Variants in GSK3A observed in about 807,000 individuals in gnomAD.
GSK3A encodes glycogen synthase kinase 3 alpha.
A neutral mutation model predicts 56.6 loss-of-function variants in GSK3A; 14 were observed. That is an observed-to-expected ratio of 0.25 (90% CI 0.16 to 0.39). The LOEUF is 0.39. Among genes scored for constraint, GSK3A ranks in the 10% least tolerant of loss-of-function variants. The pLI, the probability that GSK3A is intolerant of heterozygous loss-of-function variation, is 1.00. For synonymous variants in GSK3A, 301 were observed against 285.0 expected (o/e 1.06, Z -0.56); for missense variants, 450 against 656.0 (o/e 0.69, Z 3.43).
At chr19:42,237,497 A>T (rs2036264544) in intron 2 of GSK3A, among the ~76,000 whole-genome samples, 1 of 151,192 alleles carries the variant, frequency 6.6e-6, no homozygotes, top group African/African-American at 2.4e-5. Flanking sequence ...CACCCCACTT[A>T]AAAAAAAATT....
chr19:42,238,680 C>G (rs1423313646), intron 2 of GSK3A, among the ~76,000 whole-genome samples: 1 of 148,808 alleles, frequency 6.7e-6, no homozygotes, highest in Non-Finnish European at 1.5e-5. Context: ...AAAATCAGGG[C>G]TAGGTATGCT....
chr19:42,239,944 G>A lies in GSK3A; in HGVS notation c.471+11C>T, dbSNP rs145547790. The A allele has an allele frequency of 4.2e-4, 678 of 1,611,824 alleles. 5 individuals carry two copies. In the African/African-American group the frequency reaches 7.6e-3, roughly 18 times the overall value. On this transcript the variant is annotated intron_variant, in intron 2 of 10. Transcript: ENST00000222330. ...CCCCAAACCTCCCTGTCCCCATCCC[G>A]CCCAAGCTACCTTGAACCTCTTGTC...
Position 42,236,732 on chromosome 19 carries a change from G to A in GSK3A, c.556-16C>T, listed in dbSNP as rs764669685. The A allele has an allele frequency of 1.3e-6, 2 of 1,579,596 alleles. No homozygotes were observed. The highest frequency in any genetic ancestry group is 1.3e-5 in the African/African-American group (1 of 74,222). On this transcript the variant is annotated splice_polypyrimidine_tract_variant and intron_variant, in intron 3 of 10. Transcript: ENST00000222330. ...GCTCGTCTTTCTGCAGGGAGCAAAG[G>A]AGAGGTGTGAGGCACTGTGAGAAGA...
In GSK3A at chr19:42,230,493, A is replaced by C. The variant is rs896390356; in HGVS notation, c.*301T>G. 2.4e-5 allele frequency: 7 copies of C among 296,270 alleles called. No individual in the cohort carries two copies. The African/African-American group carries it at 5.5e-4, about 23-fold the overall frequency. The allele number at this position is 296,270 out of a possible 1,614,324, so 18.4% of individuals were successfully genotyped here. On this transcript the variant is annotated 3_prime_UTR_variant, in exon 11 of 11. Transcript: ENST00000222330. The stretch of plus-strand genomic sequence containing the variant: ...CTATTTACAAGGGACACAGGAGGGG[A>C]GGGGGTCTGGAGGAGGTGGAGGTCT...
At chr19:42,241,224 G>A (rs1026598419) in intron 1 of GSK3A, 1 of 152,178 alleles carries the variant, frequency 6.6e-6, no homozygotes, top group East Asian at 1.9e-4. Flanking sequence ...TCGAACTCCT[G>A]ACCGCAGGTG....
rs995381123 is a variant in GSK3A, at chr19:42,240,246, G to A, written c.284-104C>T. 22 of 1,077,648 alleles carry A rather than the reference G, an allele frequency of 2.0e-5. No individual in the cohort carries two copies. In the East Asian group the frequency reaches 4.8e-4, roughly 23 times the overall value. The allele number at this position is 1,077,648 out of a possible 1,614,324, so 66.8% of individuals were successfully genotyped here. A position where few individuals can be genotyped will look rare whatever the true frequency, so the allele number is the denominator to read the frequency against. The stretch of plus-strand genomic sequence containing the variant: ...GGAAATCTCTGCAGGAAGCTCGTTG[G>A]GGACCTCTTTGTCCCCTCCTCCTCT... On this transcript the variant is annotated intron_variant, in intron 1 of 10. Coordinates refer to ENST00000222330, the MANE Select transcript of GSK3A (RefSeq NM_019884.3).
intron 9 of GSK3A, 100 bp downstream of exon 9, chr19:42,232,396 G>A (rs1264990051): frequency 1.8e-6 from 2 of 1,111,666 alleles, no homozygotes; most frequent in Non-Finnish European, 2.7e-6. Flanking sequence ...CTTGTACCCT[G>A]CCCTTAGCTC....
In GSK3A at chr19:42,230,746, C is replaced by T. The variant is rs976576798; in HGVS notation, c.*48G>A. The T allele has an allele frequency of 2.1e-6, 3 of 1,415,094 alleles. No homozygotes were observed. The highest frequency in any genetic ancestry group is 2.9e-6 in the Non-Finnish European group (3 of 1,022,534). 87.7% of individuals were successfully genotyped at this position (1,415,094 alleles called of 1,614,324 possible). The stretch of plus-strand genomic sequence containing the variant: ...ATGGGCTATGGCCCCCCTTCCCAGC[C>T]CCTCTTGGGGCTCCCAGATGGAAGT... On this transcript the variant is annotated 3_prime_UTR_variant, in exon 11 of 11. Transcript: ENST00000222330.
chr19:42,236,488 C>T (rs2036257811), intron 4 of GSK3A, 118 bp downstream of exon 4: 1 of 736,046 alleles, frequency 1.4e-6, no homozygotes. Context: ...CAGCAGGGGA[C>T]ATGGGGCCTC....
intron 2 of GSK3A, among the ~76,000 whole-genome samples, chr19:42,237,159 C>T (rs1336170205): frequency 1.5e-5 from 2 of 132,710 alleles, no homozygotes; most frequent in Non-Finnish European, 3.4e-5. Context: ...TTTTCTTCAC[C>T]CCATTTTTTT....
intron 1 of GSK3A, chr19:42,240,535 C>A (rs1171824073): frequency 2.7e-6 from 1 of 363,686 alleles, no homozygotes; most frequent in Non-Finnish European, 5.0e-6. Flanking sequence ...TTGACCGAGC[C>A]TCTTCCACTT....
Position 42,234,914 on chromosome 19 carries a change from T to G in GSK3A, c.667-236A>C, listed in dbSNP as rs146228295. On this transcript the variant is annotated intron_variant, in intron 4 of 10. Coordinates refer to ENST00000222330, the MANE Select transcript of GSK3A (RefSeq NM_019884.3). This position sits in a 1 kb window ranked among gnomAD's most constrained non-coding sequence, Gnocchi z 5.7. Reference sequence around the variant, plus strand: ...CGGGTCACGCCTGTAATCCCGGTATTTTGGGAGGCCAAGACCAGCCTCGCC... The same window carrying G: ...CGGGTCACGCCTGTAATCCCGGTATGTTGGGAGGCCAAGACCAGCCTCGCC... 1.3e-5 allele frequency among the ~76,000 whole-genome samples: 2 copies of G among 152,230 alleles called. No homozygotes were observed. The highest frequency in any genetic ancestry group is 2.9e-5 in the Non-Finnish European group (2 of 67,992).
intron 1 of GSK3A, 167 bp downstream of exon 1, chr19:42,242,016 G>A (rs1257290192): frequency 2.1e-6 from 1 of 480,616 alleles, no homozygotes; most frequent in African/African-American, 2.0e-5. Context: ...TCCAAGAGAT[G>A]GTAACCCCAA....
chr19:42,233,262 G>GGCCCCCCCCCCCC, intron 7 of GSK3A, 24 bp downstream of exon 7: 1 of 1,077,534 alleles, frequency 9.3e-7, no homozygotes, highest in Non-Finnish European at 1.4e-6. Context: ...CCCACCCCCT[G>GGCCCCCCCCCCCC]CCCAGCCCAG....
chr19:42,236,348 G>A (rs1337957866), intron 4 of GSK3A, among the ~76,000 whole-genome samples: 4 of 152,106 alleles, frequency 2.6e-5, no homozygotes, highest in Non-Finnish European at 5.9e-5. Flanking sequence ...TCCCTGTATG[G>A]ACCTGAGCAA....
At position 42,230,748 on chromosome 19, in the gene GSK3A, C is replaced by T. The variant is rs563477037; in HGVS notation, c.*46G>A. The T allele has an allele frequency of 1.2e-5, 17 of 1,437,000 alleles. No homozygotes were observed. In the African/African-American group the frequency reaches 1.4e-4, roughly 12 times the overall value. 89.0% of individuals were successfully genotyped at this position (1,437,000 alleles called of 1,614,324 possible). A position where few individuals can be genotyped will look rare whatever the true frequency, so the allele number is the denominator to read the frequency against. On this transcript the variant is annotated 3_prime_UTR_variant, in exon 11 of 11. Coordinates refer to ENST00000222330, the MANE Select transcript of GSK3A (RefSeq NM_019884.3). ...GGGCTATGGCCCCCCTTCCCAGCCC[C>T]TCTTGGGGCTCCCAGATGGAAGTGG...
intron 10 of GSK3A, 81 bp from the exon 11 acceptor site, chr19:42,230,948 T>C (rs942020906): frequency 9.1e-6 from 8 of 878,322 alleles, no homozygotes; most frequent in African/African-American, 3.3e-5. Flanking sequence ...AGGAATTCTC[T>C]TGTCATAGAT....
In GSK3A at chr19:42,234,461, T is replaced by C; in HGVS notation, c.798-2A>G. ...TCCCCTCGGACCAACTGCTTTGCAC[T>C]GTGGGAAGAGATGGGCAGGGGTACA... is the stretch of plus-strand genomic sequence containing the variant. On this transcript the variant is annotated splice_acceptor_variant, in intron 5 of 10. Coordinates refer to ENST00000222330, the MANE Select transcript of GSK3A (RefSeq NM_019884.3). LOFTEE classifies it high-confidence loss of function. This position sits in a 1 kb window ranked among gnomAD's most constrained non-coding sequence, Gnocchi z 5.7. 6.2e-7 allele frequency: 1 copy of C among 1,614,034 alleles called. No individual in the cohort carries two copies. Among genetic ancestry groups the C allele is most frequent in the Non-Finnish European group, 8.5e-7 (1 of 1,179,876 alleles).
rs1314520234 is a variant in GSK3A, at chr19:42,236,612, A to G, written c.660T>C (p.Tyr220=). The G allele has an allele frequency of 1.2e-6, 2 of 1,603,210 alleles. No individual in the cohort carries two copies. Among genetic ancestry groups the G allele is most frequent in the East Asian group, 2.2e-5 (1 of 44,838 alleles). ...TKAKLTIPIL[Y]VKVYMYQLFR... is the part of the protein sequence containing the mutation. ...AGCCCACCTGCTGGCCTACCTTGAC[A>G]TAGAGGATAGGGATGGTCAACTTGG... is the stretch of plus-strand genomic sequence containing the variant. Residue 220 remains tyrosine, a synonymous_variant, in exon 4 of 11, where the codon TAT becomes TAC. Coordinates refer to ENST00000222330, the MANE Select transcript of GSK3A (RefSeq NM_019884.3).
Sources: allele counts gnomAD v4.1 joint callset (sites outside exome capture counted in the v4.1 genomes callset), GRCh38; gene constraint gnomAD v4.1.1; non-coding constraint Gnocchi (gnomAD v3.1); transcripts MANE v1.5; gene names NCBI Gene and HGNC (gene_info 2026-07-23, HGNC 2026-07-21).